Variants in FANCL observed in about 807,000 individuals in gnomAD.
FANCL encodes the protein E3 ubiquitin-protein ligase FANCL.
In FANCL, 69 loss-of-function variants were observed where a neutral mutation model predicts 59.4. That is an observed-to-expected ratio of 1.16 (90% CI 0.96 to 1.42). The LOEUF is 1.42. FANCL is among the 40% of genes most tolerant of loss of function. The pLI is 0.00. For missense variants in FANCL, 519 were observed against 447.2 expected, an observed-to-expected ratio of 1.16 and a Z score of -1.45; for synonymous variants, 180 against 147.1, an observed-to-expected ratio of 1.22 and a Z score of -1.62.
chr2:58,168,516 G>A (rs1686197549), intron 7 of FANCL, among the ~76,000 whole-genome samples: 1 of 152,094 alleles, frequency 6.6e-6, no homozygotes, highest in South Asian at 2.1e-4. Flanking sequence ...ACAAAACTGG[G>A]TGGTCATTTG....
intron 1 of FANCL, 117 bp downstream of exon 1, chr2:58,241,101 C>A (rs1694498345): frequency 2.8e-6 from 3 of 1,068,024 alleles, no homozygotes; most frequent in Non-Finnish European, 1.4e-6. Context: ...CGTTACGCGC[C>A]GCCCCTCTCA....
chr2:58,240,954 G>C (rs1326681073), intron 1 of FANCL, among the ~76,000 whole-genome samples: 1 of 152,186 alleles, frequency 6.6e-6, no homozygotes, highest in South Asian at 2.1e-4. Context: ...AGCCAAACTC[G>C]GGGAAGGGCT....
chr2:58,222,185 C>A, intron 4 of FANCL, 143 bp from the exon 5 acceptor site: 2 of 608,140 alleles, frequency 3.3e-6, no homozygotes, highest in South Asian at 2.0e-5. Context: ...CTGACTCATT[C>A]CCCTGCTCAT....
chr2:58,201,389 A>G (rs2105123197), intron 6 of FANCL, among the ~76,000 whole-genome samples: 1 of 151,768 alleles, frequency 6.6e-6, no homozygotes, highest in Non-Finnish European at 1.5e-5. Context: ...AAAAGATTAC[A>G]TAATATTAAG....
chr2:58,190,455 T>A (rs1688816882), intron 7 of FANCL, among the ~76,000 whole-genome samples: 6 of 136,570 alleles, frequency 4.4e-5, no homozygotes, highest in Admixed American at 1.5e-4. Flanking sequence ...CTATATTGTG[T>A]ACTATTCAAA....
chr2:58,230,479 T>C (rs1693475515), intron 2 of FANCL, among the ~76,000 whole-genome samples: 1 of 152,256 alleles, frequency 6.6e-6, no homozygotes, highest in Admixed American at 6.5e-5. Flanking sequence ...GAAAGATACA[T>C]ACTTCTAATT....
intron 7 of FANCL, among the ~76,000 whole-genome samples, chr2:58,170,242 A>G (rs1686433180): frequency 6.6e-6 from 1 of 152,208 alleles, no homozygotes; most frequent in Non-Finnish European, 1.5e-5. Context: ...TAATATTCTT[A>G]AAGAAAAGAA....
rs149731356 is a variant in FANCL at position 58,165,745 on chromosome 2, T to C, written c.670A>G (p.Thr224Ala). ...LEPEKPPRSA[T>A]ARRIALGNNV... is the part of the protein sequence containing the mutation. ...CTACCTAATGCAATTCTGCGTGCTG[T>C]TGCACTCCGTGGAGGTTTTTCTGGC... Residue 224 changes from threonine to alanine, a missense_variant, in exon 8 of 14, where the codon ACA (threonine) becomes GCA (alanine). Thr to Ala is a moderately conservative substitution (Grantham distance 58). Coordinates refer to ENST00000233741, the MANE Select transcript of FANCL (RefSeq NM_018062.4). 1.9e-3 allele frequency: 3,087 copies of C among 1,614,096 alleles called. 37 individuals are homozygous for C. The highest frequency in any genetic ancestry group is 6.6e-3 in the East Asian group (298 of 44,866).
At chr2:58,237,958 C>T (rs1461731726) in intron 1 of FANCL, among the ~76,000 whole-genome samples, 1 of 152,156 alleles carries the variant, frequency 6.6e-6, no homozygotes, top group Non-Finnish European at 1.5e-5. Flanking sequence ...AGTCAAGCAA[C>T]ACTATAAAGA....
At chr2:58,233,694 GA>G (rs747082749) in intron 1 of FANCL, among the ~76,000 whole-genome samples, 1 of 151,516 alleles carries the variant, frequency 6.6e-6, no homozygotes, top group Middle Eastern at 3.4e-3. Flanking sequence ...GGAAGGTCAG[GA>G]AAAAAAATGC....
At chr2:58,195,469 T>C (rs1689336893) in intron 7 of FANCL, among the ~76,000 whole-genome samples, 1 of 152,138 alleles carries the variant, frequency 6.6e-6, no homozygotes, top group African/African-American at 2.4e-5. Context: ...CTTAAATACT[T>C]AAATAGCAAA....
At chr2:58,163,358 T>C in intron 9 of FANCL, 76 bp downstream of exon 9, 2 of 999,450 alleles carry the variant, frequency 2.0e-6, no homozygotes, top group South Asian at 1.4e-5. Context: ...TATACTAATA[T>C]TGTCTAATAA....
chr2:58,190,731 C>A (rs942250679), intron 7 of FANCL, among the ~76,000 whole-genome samples: 1 of 151,822 alleles, frequency 6.6e-6, no homozygotes, highest in Non-Finnish European at 1.5e-5. Context: ...ATTCTCACAG[C>A]CAGAGCCAAG....
intron 7 of FANCL, among the ~76,000 whole-genome samples, chr2:58,170,345 T>C (rs2104855484): frequency 6.6e-6 from 1 of 152,316 alleles, no homozygotes; most frequent in East Asian, 1.9e-4. Flanking sequence ...CTGATAGATC[T>C]TGTCACCACC....
intron 4 of FANCL, among the ~76,000 whole-genome samples, chr2:58,224,445 A>T (rs531843739): frequency 1.4e-3 from 215 of 151,984 alleles, no homozygotes; most frequent in African/African-American, 5.0e-3. Context: ...AGGATTTATG[A>T]ACTCATAAAT....
At chr2:58,233,037 G>C (rs1469826640) in intron 1 of FANCL, among the ~76,000 whole-genome samples, 1 of 151,932 alleles carries the variant, frequency 6.6e-6, no homozygotes, top group Non-Finnish European at 1.5e-5. Flanking sequence ...TAATATTACA[G>C]TTCTGACTTT....
intron 6 of FANCL, among the ~76,000 whole-genome samples, chr2:58,201,290 C>G (rs181868007): frequency 2.0e-5 from 3 of 151,564 alleles, no homozygotes; most frequent in African/African-American, 7.3e-5. Context: ...GGAATATTAA[C>G]TGAAAAATAA....
chr2:58,217,213 TATACAC>T (rs1558807205), intron 5 of FANCL, among the ~76,000 whole-genome samples: 16 of 7,738 alleles, frequency 2.1e-3, no homozygotes, highest in African/African-American at 3.0e-3. Context: ...TATATATATA[TATACAC>T]ACACACACAC....
At chr2:58,194,925 A>AC (rs1423345459) in intron 7 of FANCL, among the ~76,000 whole-genome samples, 1 of 107,710 alleles carries the variant, frequency 9.3e-6, no homozygotes, top group African/African-American at 8.4e-5. Context: ...CTATTATATC[A>AC]CAAAAAAAAA....
Sources: allele counts gnomAD v4.1 joint callset (sites outside exome capture counted in the v4.1 genomes callset), GRCh38; gene constraint gnomAD v4.1.1; transcripts MANE v1.5; gene names NCBI Gene and HGNC (gene_info 2026-07-23, HGNC 2026-07-21).